Variants in TEX15 observed in about 807,000 individuals in gnomAD.
TEX15 encodes testis expressed 15, meiosis and synapsis associated.
TEX15 carries 171 observed loss-of-function variants against 237.3 expected under a neutral mutation model. That is an observed-to-expected ratio of 0.72 (90% CI 0.64 to 0.82). TEX15 has a LOEUF of 0.82. Ranked by LOEUF, TEX15 falls within the 40% of genes least tolerant of loss-of-function variation. The probability of loss-of-function intolerance (pLI) is 0.00; values close to 1 mark genes in which losing one functional copy is unlikely to be tolerated. For synonymous variants in TEX15, 1,338 were observed against 1,269.8 expected (o/e 1.05, Z -1.14); for missense variants, 3,750 against 3,646.5 (o/e 1.03, Z -0.73).
chr8:30,892,617 T>G (rs1462666680), intron 2 of TEX15, among the ~76,000 whole-genome samples: 1 of 152,230 alleles, frequency 6.6e-6, no homozygotes, highest in African/African-American at 2.4e-5. Flanking sequence ...TTCAATACTT[T>G]TATAATTTTT....
intron 4 of TEX15, among the ~76,000 whole-genome samples, chr8:30,873,511 A>T (rs368256765): frequency 6.6e-6 from 1 of 152,088 alleles, no homozygotes; most frequent in Non-Finnish European, 1.5e-5. Flanking sequence ...TAAGGTACAG[A>T]TTATCACCAA....
At position 30,858,353 on chromosome 8, in the gene TEX15, C is replaced by T. The variant is rs541838522; in HGVS notation, c.850+315G>A. On this transcript the variant is annotated intron_variant, in intron 7 of 10. Transcript: ENST00000643185. ...TTTGTGACAAGGTCTCCCTCTGTCA[C>T]CTAGGCTGGGCGCAGTGGTGTGATC... is the stretch of plus-strand genomic sequence containing the variant. Among the ~76,000 whole-genome samples the T allele has an allele frequency of 2.0e-5, 3 of 151,546 alleles. No homozygotes were observed. In the South Asian group the frequency reaches 6.3e-4, roughly 32 times the overall value.
Position 30,839,906 on chromosome 8 carries a change from C to T in TEX15, c.8222G>A (p.Arg2741Lys). 1 of 1,600,174 alleles carries T rather than the reference C, an allele frequency of 6.2e-7. No individual in the cohort carries two copies. The highest frequency in any genetic ancestry group is 8.5e-7 in the Non-Finnish European group (1 of 1,173,548). ...NREKATFKHP[R>K]TTGSHPKSEN... ...ACATAGGGCTGATGGGAACTCCTAC[C>T]TTGGATGCTTGAATGTTGCCTTTTC... is the stretch of plus-strand genomic sequence containing the variant. Residue 2741 changes from arginine (R) to lysine (K), a missense_variant and splice_region_variant, in exon 9 of 11, where the codon AGG (arginine) becomes AAG (lysine). By Grantham distance (26) the Arg-to-Lys change is conservative. Transcript: ENST00000643185.
chr8:30,875,838 C>G (rs1018271893), intron 3 of TEX15, among the ~76,000 whole-genome samples: 2 of 150,918 alleles, frequency 1.3e-5, no homozygotes, highest in Non-Finnish European at 2.9e-5. Flanking sequence ...TAGAGACAGG[C>G]TCTCACTCAG....
chr8:30,868,302 G>C (rs1028383362), intron 4 of TEX15, among the ~76,000 whole-genome samples: 1 of 151,946 alleles, frequency 6.6e-6, no homozygotes, highest in Non-Finnish European at 1.5e-5. Flanking sequence ...AAAATTGGCA[G>C]ATTAGATATT....
chr8:30,876,028 G>A lies in TEX15; in HGVS notation c.137-926C>T, dbSNP rs187223747. 1.5e-3 allele frequency among the ~76,000 whole-genome samples: 225 copies of A among 151,946 alleles called. 1 individual carries two copies. The highest frequency in any genetic ancestry group is 3.4e-3 in the Admixed American group (52 of 15,250). On this transcript the variant is annotated intron_variant, in intron 3 of 10. Transcript: ENST00000643185. ...ATGGGGTCGCTATGTTGTCCAAGCTGGTCTCAAATTCCTGGGCTCAAGCGA... is the reference window on the plus strand; with the variant it reads ...ATGGGGTCGCTATGTTGTCCAAGCTAGTCTCAAATTCCTGGGCTCAAGCGA...
At chr8:30,901,515 T>A (rs1437743172) in intron 1 of TEX15, among the ~76,000 whole-genome samples, 1 of 152,186 alleles carries the variant, frequency 6.6e-6, no homozygotes, top group African/African-American at 2.4e-5. Context: ...ACAACTGTGT[T>A]TAGCTGTGAG....
chr8:30,853,794 G>A (rs1052162472), intron 7 of TEX15, among the ~76,000 whole-genome samples: 7 of 151,816 alleles, frequency 4.6e-5, no homozygotes, highest in Non-Finnish European at 8.8e-5. Context: ...AAACTTAAAG[G>A]AAAAAGATAA....
chr8:30,907,927 CTA>C (rs1809143112), intron 1 of TEX15, among the ~76,000 whole-genome samples: 1 of 151,838 alleles, frequency 6.6e-6, no homozygotes, highest in Non-Finnish European at 1.5e-5. Context: ...GAGTCAGACT[CTA>C]TGAATTCTAT....
rs181188265 is a variant in TEX15 at position 30,906,064 on chromosome 8, C to T, written c.-86+6815G>A. Among the ~76,000 whole-genome samples, 458 of 152,290 alleles carry T rather than the reference C, an allele frequency of 3.0e-3. 4 individuals carry two copies. Among genetic ancestry groups the T allele is most frequent in the Middle Eastern group, 0.01 (3 of 294 alleles). On this transcript the variant is annotated intron_variant, in intron 1 of 10. Coordinates refer to ENST00000643185, the MANE Select transcript of TEX15 (RefSeq NM_001350162.2). ...TTAGTAGATTAATTCAGTTAATCAA[C>T]ACTCTTCTGCTATATTGATTACTAC...
chr8:30,862,612 T>C (rs996028974), intron 5 of TEX15, among the ~76,000 whole-genome samples: 4 of 152,174 alleles, frequency 2.6e-5, no homozygotes, highest in Non-Finnish European at 5.9e-5. Flanking sequence ...AATTTGATAT[T>C]TGAGGTCAAA....
chr8:30,894,320 T>C (rs1412181582), intron 2 of TEX15, among the ~76,000 whole-genome samples: 2 of 152,096 alleles, frequency 1.3e-5, no homozygotes, highest in African/African-American at 4.8e-5. Context: ...GAAAAAAAAT[T>C]CTGTCTCTAA....
chr8:30,894,488 T>C (rs760883495), intron 2 of TEX15, among the ~76,000 whole-genome samples: 4 of 152,204 alleles, frequency 2.6e-5, no homozygotes, highest in Non-Finnish European at 4.4e-5. Flanking sequence ...TCTTTAAAGC[T>C]TGGAACAGGC....
At position 30,846,746 on chromosome 8, in the gene TEX15, G is replaced by A. The variant is rs746601486; in HGVS notation, c.3421C>T (p.Gln1141Ter). 1 of 1,613,806 alleles carries A rather than the reference G, an allele frequency of 6.2e-7. No individual in the cohort carries two copies. Among genetic ancestry groups the A allele is most frequent in the Admixed American group, 1.7e-5 (1 of 59,992 alleles). ...CTGGTAAGTTCTGTTTCATTGTTTT[G>A]TGTAGAGGAATAAAAATAGTTACTT... ...KESNYFYSST[Q>*]NNETELTSPI... is the part of the protein sequence containing the mutation. Residue 1141 changes from glutamine (Q) to a stop codon, truncating the protein, a stop_gained, in exon 8 of 11, where the codon CAA (glutamine) becomes TAA (stop). Coordinates refer to ENST00000643185, the MANE Select transcript of TEX15 (RefSeq NM_001350162.2). LOFTEE classifies it high-confidence loss of function.
At position 30,845,784 on chromosome 8, in the gene TEX15, T is replaced by C; in HGVS notation, c.4383A>G (p.Pro1461=). 1 of 1,611,632 alleles carries C rather than the reference T, an allele frequency of 6.2e-7. No homozygotes were observed. The highest frequency in any genetic ancestry group is 1.3e-5 in the African/African-American group (1 of 74,826). The change falls in exon 8 of 11, where the codon CCA becomes CCG. Residue 1461 remains proline, a synonymous_variant. Transcript: ENST00000643185. ...KYDKRRKKRA[P]KADISKSLTH... The stretch of plus-strand genomic sequence containing the variant: ...TTAATGATTTAGAAATATCAGCTTT[T>C]GGAGCTCTTTTCTTTCTCCGTTTGT...
chr8:30,835,516 G>A (rs1044418177), intron 10 of TEX15, among the ~76,000 whole-genome samples: 3 of 152,182 alleles, frequency 2.0e-5, no homozygotes, highest in Non-Finnish European at 2.9e-5. Context: ...TGAGGTTTCA[G>A]TAAGCTATGA....
intron 7 of TEX15, among the ~76,000 whole-genome samples, chr8:30,853,094 C>T (rs1194203491): frequency 1.3e-5 from 2 of 152,130 alleles, no homozygotes; most frequent in Admixed American, 1.3e-4. Flanking sequence ...AAGTTAATCA[C>T]CCTGAAAGGC....
intron 4 of TEX15, among the ~76,000 whole-genome samples, chr8:30,867,710 T>C (rs1286128600): frequency 6.6e-6 from 1 of 152,116 alleles, no homozygotes; most frequent in East Asian, 1.9e-4. Flanking sequence ...ATTATCATCA[T>C]TCCTGGTCTA....
At position 30,847,517 on chromosome 8, in the gene TEX15, C is replaced by T; in HGVS notation, c.2650G>A (p.Gly884Arg). 1.2e-6 allele frequency: 2 copies of T among 1,613,168 alleles called. No individual in the cohort carries two copies. The highest frequency in any genetic ancestry group is 1.1e-5 in the South Asian group (1 of 90,956). The change falls in exon 8 of 11, where the codon GGA becomes AGA. Residue 884 changes from glycine to arginine, a missense_variant. By Grantham distance (125) the Gly-to-Arg change is moderately radical (BLOSUM62 -2). Coordinates refer to ENST00000643185, the MANE Select transcript of TEX15 (RefSeq NM_001350162.2). ...GTATGAGAATCCTGCTTTTTGTCTC[C>T]ATATATGTTCTCTATGTTGTTTTCT... The part of the protein sequence containing the change: ...CVENNIENIY[G>R]DKKQDSHTNE...
Sources: gnomAD v4.1 joint callset for allele counts (sites outside exome capture counted in the v4.1 genomes callset) on GRCh38, gnomAD v4.1.1 for gene constraint, MANE v1.5 for transcripts, NCBI Gene and HGNC (gene_info 2026-07-23, HGNC 2026-07-21) for gene names.